The following ANKFY1 variants were observed in gnomAD, a reference collection of about 807,000 sequenced individuals.
ANKFY1 encodes ankyrin repeat and FYVE domain-containing protein 1.
In ANKFY1, 47 loss-of-function variants were observed where a neutral mutation model predicts 128.3. That is an observed-to-expected ratio of 0.37 (90% confidence interval 0.29 to 0.47). The LOEUF (loss-of-function observed/expected upper bound fraction) is 0.47, where lower values mean the gene tolerates loss of function less well. ANKFY1 is among the 20% of genes least tolerant of loss of function. ANKFY1 has a pLI of 1.00. For missense variants in ANKFY1, 1,222 were observed against 1,510.6 expected, an observed-to-expected ratio of 0.81 and a Z score of 3.17; for synonymous variants, 553 against 601.6, an observed-to-expected ratio of 0.92 and a Z score of 1.18.
intron 3 of ANKFY1, among the ~76,000 whole-genome samples, chr17:4,233,375 A>AG (rs993621070): frequency 1.3e-5 from 2 of 152,174 alleles, no homozygotes; most frequent in African/African-American, 4.8e-5. Context: ...TTTAAAAAAA[A>AG]AAAAAGCTAT....
At chr17:4,186,123 GCA>G (rs2059606630) in intron 11 of ANKFY1, among the ~76,000 whole-genome samples, 1 of 152,264 alleles carries the variant, frequency 6.6e-6, no homozygotes, top group East Asian at 1.9e-4. Context: ...ACACACGTAT[GCA>G]CACACACATG....
At chr17:4,205,179 T>A (rs1445204732) in intron 7 of ANKFY1, among the ~76,000 whole-genome samples, 1 of 152,178 alleles carries the variant, frequency 6.6e-6, no homozygotes, top group Non-Finnish European at 1.5e-5. Context: ...CTCTCTTTGA[T>A]GTCTACGTGT....
At chr17:4,205,774 C>G (rs200859907) in intron 7 of ANKFY1, among the ~76,000 whole-genome samples, 31 of 151,962 alleles carry the variant, frequency 2.0e-4, no homozygotes, top group East Asian at 1.2e-3. Context: ...GTTTTGTTCT[C>G]AAGTCTATCA....
intron 22 of ANKFY1, among the ~76,000 whole-genome samples, chr17:4,171,140 C>T (rs187678270): frequency 7.2e-4 from 109 of 152,344 alleles, no homozygotes; most frequent in African/African-American, 2.5e-3. Flanking sequence ...TGCAAGAGAG[C>T]TGAGGTCGCG....
intron 7 of ANKFY1, 107 bp from the exon 8 acceptor site, chr17:4,197,684 G>T (rs888756658): frequency 9.7e-7 from 1 of 1,032,676 alleles, no homozygotes; most frequent in South Asian, 1.4e-5. Context: ...GCGATAACTA[G>T]ATGTGTCTGA....
Position 4,178,957 on chromosome 17 carries a change from C to T in ANKFY1, c.2498G>A (p.Arg833Gln), listed in dbSNP as rs919867847. The change falls in exon 18 of 25, where the codon CGA becomes CAA. Residue 833 changes from arginine (R) to glutamine (Q), a missense_variant. Arg to Gln is a conservative substitution (Grantham distance 43, BLOSUM62 1). Coordinates refer to ENST00000341657, the MANE Select transcript of ANKFY1 (RefSeq NM_001330063.2). The surrounding 1 kb of genome is among the most constrained non-coding windows in gnomAD (Gnocchi z 4.1). ...VSHPDIHLNV[R>Q]DRQGLTPFAC... ...AAACGGGGTCAGCCCTTGTCTGTCT[C>T]GTACATTCAAATGGATATCGGGGTG... The T allele has an allele frequency of 3.3e-5, 53 of 1,614,028 alleles. No individual in the cohort carries two copies. The highest frequency in any genetic ancestry group is 4.1e-5 in the Non-Finnish European group (48 of 1,180,052).
At chr17:4,206,577 T>G in intron 6 of ANKFY1, 91 bp from the exon 7 acceptor site, 2 of 1,211,390 alleles carry the variant, frequency 1.7e-6, no homozygotes, top group Non-Finnish European at 2.3e-6. Flanking sequence ...ATATCATCTC[T>G]TATACAAATG....
At chr17:4,259,201 T>C (rs923177103) in intron 1 of ANKFY1, among the ~76,000 whole-genome samples, 17 of 152,250 alleles carry the variant, frequency 1.1e-4, no homozygotes, top group African/African-American at 3.4e-4. Flanking sequence ...CAGCAATTAA[T>C]TGACTTGCTT....
In ANKFY1 at chr17:4,187,013, T is replaced by C. The variant is rs185919755; in HGVS notation, c.1471-1967A>G. 5.6e-3 allele frequency: 6,834 copies of C among 1,224,094 alleles called. 39 individuals are homozygous for C. Among genetic ancestry groups the C allele is most frequent in the Non-Finnish European group, 6.5e-3 (6,350 of 983,770 alleles). The allele number at this position is 1,224,094 out of a possible 1,614,324, so 75.8% of individuals were successfully genotyped here. A position where few individuals can be genotyped will look rare whatever the true frequency, so the allele number is the denominator to read the frequency against. On this transcript the variant is annotated intron_variant, in intron 11 of 24. Coordinates refer to ENST00000341657, the MANE Select transcript of ANKFY1 (RefSeq NM_001330063.2). ...GCCGCAACTGTTTTTTTTAAATTCG[T>C]ATTTCAGTGTCTTTGGGGTACAGGT...
intron 2 of ANKFY1, among the ~76,000 whole-genome samples, chr17:4,239,384 T>C (rs969367423): frequency 2.0e-5 from 3 of 152,208 alleles, no homozygotes; most frequent in Non-Finnish European, 1.5e-5. Context: ...ATGGATTATA[T>C]TTCACAAGAA....
At chr17:4,206,238 T>G in intron 7 of ANKFY1, 83 bp downstream of exon 7, 1 of 1,476,012 alleles carries the variant, frequency 6.8e-7, no homozygotes. Context: ...TTGAGAATTT[T>G]GGGAACAAGG....
chr17:4,207,550 C>A (rs2060048227), intron 6 of ANKFY1, among the ~76,000 whole-genome samples: 1 of 152,162 alleles, frequency 6.6e-6, no homozygotes, highest in Admixed American at 6.5e-5. Flanking sequence ...CCAGTGATTC[C>A]TGTCCTAGAC....
At chr17:4,242,475 C>A (rs918315132) in intron 1 of ANKFY1, 27 bp from the exon 2 acceptor site, 2 of 1,515,324 alleles carry the variant, frequency 1.3e-6, no homozygotes, top group Non-Finnish European at 8.8e-7. Flanking sequence ...GAATCAAGTT[C>A]ACCGTGGCTG....
chr17:4,211,268 C>A (rs1214304540), intron 4 of ANKFY1, among the ~76,000 whole-genome samples: 2 of 150,606 alleles, frequency 1.3e-5, no homozygotes, highest in African/African-American at 2.4e-5. Flanking sequence ...ATTAGCTGGG[C>A]TGCCTGTAGT....
At chr17:4,173,195 C>A (rs188736695) in intron 21 of ANKFY1, among the ~76,000 whole-genome samples, 159 bp downstream of exon 21, 6 of 152,222 alleles carry the variant, frequency 3.9e-5, no homozygotes, top group Non-Finnish European at 7.3e-5. Context: ...ACAAAAATAC[C>A]GGTACCAAAA....
In ANKFY1 at chr17:4,214,523, CTT is replaced by C. The variant is rs61260385; in HGVS notation, c.458+2458_458+2459del. ...AGAGATACAAAAACGATAAACCTAACTTTTTTTTTTTTTTTTTTTGAGATGGA... is the reference window on the plus strand; with the variant it reads ...AGAGATACAAAAACGATAAACCTAACTTTTTTTTTTTTTTTTTGAGATGGA... On this transcript the variant is annotated intron_variant, in intron 4 of 24. Transcript: ENST00000341657. Among the ~76,000 whole-genome samples, 496 of 136,116 alleles carry C rather than the reference CTT, an allele frequency of 3.6e-3. 1 individual carries two copies. The highest frequency in any genetic ancestry group is 0.015 in the Middle Eastern group (4 of 264). The allele number at this position is 136,116 out of a possible 152,430, so 89.3% of individuals were successfully genotyped here.
chr17:4,202,124 C>T (rs1215347722), intron 7 of ANKFY1, among the ~76,000 whole-genome samples: 4 of 152,084 alleles, frequency 2.6e-5, no homozygotes, highest in East Asian at 3.8e-4. Flanking sequence ...ACATAGTGGC[C>T]GGGCGCAGCG....
Position 4,259,982 on chromosome 17 carries a change from C to G in ANKFY1, c.10+3950G>C, listed in dbSNP as rs7222085. On this transcript the variant is annotated intron_variant, in intron 1 of 24. Coordinates refer to ENST00000341657, the MANE Select transcript of ANKFY1 (RefSeq NM_001330063.2). ...GCCAAGGAAACTGCAGGGACAAAGA[C>G]GCAGAGGTAGCAGCATGTCGGGCAC... Among the ~76,000 whole-genome samples the G allele has an allele frequency of 6.0e-3, 916 of 152,230 alleles. 10 individuals carry two copies. The highest frequency in any genetic ancestry group is 0.021 in the African/African-American group (872 of 41,524).
intron 3 of ANKFY1, among the ~76,000 whole-genome samples, chr17:4,234,860 G>A (rs192088056): frequency 1.1e-4 from 17 of 152,116 alleles, no homozygotes; most frequent in Admixed American, 1.0e-3. Context: ...TAAGCTATAC[G>A]ACACAATGCT....
Sources: allele counts gnomAD v4.1 joint callset (sites outside exome capture counted in the v4.1 genomes callset), GRCh38; gene constraint gnomAD v4.1.1; non-coding constraint Gnocchi (gnomAD v3.1); transcripts MANE v1.5; gene names NCBI Gene and HGNC (gene_info 2026-07-23, HGNC 2026-07-21).